DLG1: variants seen among roughly 807,000 people sequenced by gnomAD.
DLG1 encodes disks large homolog 1.
In DLG1, 42 loss-of-function variants were observed where a neutral mutation model predicts 123.4. The observed-to-expected ratio is 0.34, with a 90% confidence interval of 0.27 to 0.44. The LOEUF (loss-of-function observed/expected upper bound fraction) is 0.44, where lower values mean the gene tolerates loss of function less well. DLG1 is among the 20% of genes least tolerant of loss of function. DLG1 has a pLI of 1.00. For synonymous variants in DLG1, 317 were observed against 356.2 expected, an observed-to-expected ratio of 0.89 and a Z score of 1.24; for missense variants, 942 against 1,082.6, an observed-to-expected ratio of 0.87 and a Z score of 1.82.
chr3:197,056,336 C>T (rs1560358495), intron 23 of DLG1, among the ~76,000 whole-genome samples: 1 of 152,056 alleles, frequency 6.6e-6, no homozygotes, highest in Non-Finnish European at 1.5e-5. Context: ...TTACATTTTG[C>T]CTTATTAAAA....
intron 17 of DLG1, chr3:197,080,834 CA>C (rs1457437915): frequency 1.5e-5 from 6 of 390,178 alleles, no homozygotes; most frequent in Non-Finnish European, 2.7e-5. Flanking sequence ...AAGCTTGACC[CA>C]AAAGTATGTT....
At chr3:197,180,058 T>G (rs75516583) in intron 5 of DLG1, among the ~76,000 whole-genome samples, 2 of 66,824 alleles carry the variant, frequency 3.0e-5, no homozygotes, top group African/African-American at 7.7e-5. Flanking sequence ...GCATGTTGTG[T>G]TTTTTTTTTG....
chr3:197,153,847 A>G (rs1241274754), intron 5 of DLG1, among the ~76,000 whole-genome samples: 1 of 152,196 alleles, frequency 6.6e-6, no homozygotes, highest in Non-Finnish European at 1.5e-5. Flanking sequence ...TTGATAGCCT[A>G]CAACAATCAG....
At chr3:197,282,054 C>T (rs1028171368) in intron 4 of DLG1, among the ~76,000 whole-genome samples, 3 of 152,214 alleles carry the variant, frequency 2.0e-5, no homozygotes, top group African/African-American at 7.2e-5. Context: ...ACTAATGCTT[C>T]TTAGGCAGAA....
intron 4 of DLG1, among the ~76,000 whole-genome samples, chr3:197,203,662 C>T (rs1039358073): frequency 6.6e-6 from 1 of 152,204 alleles, no homozygotes; most frequent in Non-Finnish European, 1.5e-5. Context: ...CAGACATTTA[C>T]TACATTTCTT....
In DLG1 at chr3:197,069,222, A is replaced by ATT; in HGVS notation, c.2043_2044insAA (p.Tyr682AsnfsTer15). The ATT allele has an allele frequency of 6.3e-7, 1 of 1,589,562 alleles. No homozygotes were observed. The highest frequency in any genetic ancestry group is 1.1e-5 in the South Asian group (1 of 87,110). On this transcript the variant is annotated frameshift_variant, in exon 19 of 25. Coordinates refer to ENST00000667157, the MANE Select transcript of DLG1 (RefSeq NM_001366207.1). LOFTEE classifies it high-confidence loss of function. ...ACAAGTAACTTAAAACACTTACGGTAACTACTTTCACTATCGCTGGCATTA... is the reference window on the plus strand; with the variant it reads ...ACAAGTAACTTAAAACACTTACGGTATTACTACTTTCACTATCGCTGGCATTA...
At chr3:197,082,264 G>A (rs559383410) in intron 16 of DLG1, among the ~76,000 whole-genome samples, 21 of 152,106 alleles carry the variant, frequency 1.4e-4, no homozygotes, top group Non-Finnish European at 2.2e-4. Context: ...CAGCTACTTG[G>A]GAGGCTGAGG....
At chr3:197,255,433 T>C (rs1245446680) in intron 4 of DLG1, among the ~76,000 whole-genome samples, 1 of 152,222 alleles carries the variant, frequency 6.6e-6, no homozygotes, top group Non-Finnish European at 1.5e-5. Context: ...AGTGTGTCAT[T>C]GATTCCTGCC....
chr3:197,085,903 G>A, intron 15 of DLG1, 147 bp from the exon 16 acceptor site: 1 of 603,522 alleles, frequency 1.7e-6, no homozygotes, highest in South Asian at 2.7e-5. Flanking sequence ...CTGCATACAA[G>A]ATAAGACAAA....
chr3:197,053,537 C>T (rs548241203), intron 23 of DLG1, among the ~76,000 whole-genome samples: 8 of 151,234 alleles, frequency 5.3e-5, no homozygotes, highest in South Asian at 2.1e-4. Flanking sequence ...TTTGGGAGGC[C>T]GAGGCAGGCG....
At position 197,142,859 on chromosome 3, in the gene DLG1, C is replaced by G; in HGVS notation, c.538-91G>C. ...TTTTTGTATGATTTATTAATGAAAACCTGTTGAATGCGACAGTAATCAAAC... is the reference window on the plus strand; with the variant it reads ...TTTTTGTATGATTTATTAATGAAAAGCTGTTGAATGCGACAGTAATCAAAC... On this transcript the variant is annotated intron_variant, in intron 6 of 24. Transcript: ENST00000667157. 3.3e-6 allele frequency: 3 copies of G among 916,842 alleles called. No homozygotes were observed. In the South Asian group the frequency reaches 4.7e-5, roughly 14 times the overall value. The allele number at this position is 916,842 out of a possible 1,614,324, so 56.8% of individuals were successfully genotyped here. A position where few individuals can be genotyped will look rare whatever the true frequency, so the allele number is the denominator to read the frequency against.
At chr3:197,142,690 A>C in intron 7 of DLG1, 28 bp downstream of exon 7, 1 of 1,549,252 alleles carries the variant, frequency 6.5e-7, no homozygotes. Context: ...AGTTCTCTAG[A>C]ACAACAGATT....
chr3:197,083,967 T>C (rs1159143974), intron 16 of DLG1, among the ~76,000 whole-genome samples: 3 of 152,012 alleles, frequency 2.0e-5, no homozygotes, highest in Non-Finnish European at 2.9e-5. Context: ...AGCAAGACCT[T>C]GTCTCTTAAA....
chr3:197,280,235 C>T (rs1282814320), intron 4 of DLG1, among the ~76,000 whole-genome samples: 2 of 152,086 alleles, frequency 1.3e-5, no homozygotes, highest in East Asian at 3.8e-4. Flanking sequence ...TGATATTTAT[C>T]TTTCTGTGCC....
intron 4 of DLG1, among the ~76,000 whole-genome samples, chr3:197,260,682 TC>T (rs1474211991): frequency 2.2e-5 from 3 of 135,480 alleles, no homozygotes; most frequent in Non-Finnish European, 4.6e-5. Flanking sequence ...ACAAAGAGGT[TC>T]CCCCGATATA....
chr3:197,256,447 A>G (rs1449654794), intron 4 of DLG1, among the ~76,000 whole-genome samples: 1 of 152,276 alleles, frequency 6.6e-6, no homozygotes, highest in Admixed American at 6.5e-5. Flanking sequence ...GTAGGCACTC[A>G]GCGAAGCTAA....
At chr3:197,085,165 A>G (rs1438946186) in intron 16 of DLG1, 2 of 163,584 alleles carry the variant, frequency 1.2e-5, no homozygotes, top group African/African-American at 2.4e-5. Flanking sequence ...TGAAATAATT[A>G]CTACAGTCAA....
intron 24 of DLG1, among the ~76,000 whole-genome samples, chr3:197,047,628 G>A (rs1412339774): frequency 1.3e-5 from 2 of 151,376 alleles, no homozygotes; most frequent in Admixed American, 6.6e-5. Context: ...ATTTCAAAAC[G>A]GATCAAAGGG....
At chr3:197,116,154 C>T in intron 12 of DLG1, 71 bp from the exon 13 acceptor site, 4 of 1,203,786 alleles carry the variant, frequency 3.3e-6, no homozygotes, top group Non-Finnish European at 4.7e-6. Flanking sequence ...GTGAGAACTA[C>T]CTACTGATAA....
Sources: gnomAD v4.1 joint callset for allele counts (sites outside exome capture counted in the v4.1 genomes callset) on GRCh38, gnomAD v4.1.1 for gene constraint, MANE v1.5 for transcripts, NCBI Gene and HGNC (gene_info 2026-07-23, HGNC 2026-07-21) for gene names.